Variants in PDZRN4 observed in about 807,000 individuals in gnomAD.
PDZRN4 encodes PDZ domain containing ring finger 4.
In PDZRN4, 70 loss-of-function variants were observed where a neutral mutation model predicts 99.0. The ratio of observed to expected loss-of-function variants is 0.71; its 90% confidence interval spans 0.58 to 0.86. PDZRN4 has a LOEUF of 0.86. PDZRN4 is among the 40% of genes least tolerant of loss of function. The pLI, the probability that PDZRN4 is intolerant of heterozygous loss-of-function variation, is 0.00. For synonymous variants in PDZRN4, 551 were observed against 501.6 expected, an observed-to-expected ratio of 1.10 and a Z score of -1.32; for missense variants, 1,474 against 1,331.2, an observed-to-expected ratio of 1.11 and a Z score of -1.67.
intron 3 of PDZRN4, among the ~76,000 whole-genome samples, chr12:41,483,397 T>A (rs1158322485): frequency 1.3e-5 from 2 of 152,142 alleles, no homozygotes; most frequent in Non-Finnish European, 2.9e-5. Flanking sequence ...GCCACAGGGC[T>A]TGAACAGGAT....
intron 5 of PDZRN4, among the ~76,000 whole-genome samples, chr12:41,524,855 T>A (rs1429692129): frequency 2.6e-5 from 4 of 152,138 alleles, no homozygotes; most frequent in Non-Finnish European, 5.9e-5. Flanking sequence ...ATTGTGTTAA[T>A]TCAGGTGAGA....
At chr12:41,229,122 T>C (rs1198156233) in intron 3 of PDZRN4, among the ~76,000 whole-genome samples, 1 of 151,530 alleles carries the variant, frequency 6.6e-6, no homozygotes, top group Non-Finnish European at 1.5e-5. Context: ...CATCATTTCA[T>C]CTAATGTTTA....
chr12:41,552,224 T>A (rs1939069971), intron 5 of PDZRN4, among the ~76,000 whole-genome samples: 1 of 152,186 alleles, frequency 6.6e-6, no homozygotes, highest in Non-Finnish European at 1.5e-5. Flanking sequence ...TTTTTTATTA[T>A]TTGAAGTTAT....
chr12:41,392,146 G>C (rs1470580267), intron 3 of PDZRN4, among the ~76,000 whole-genome samples: 1 of 151,986 alleles, frequency 6.6e-6, no homozygotes, highest in Non-Finnish European at 1.5e-5. Context: ...TGTCCTAAAG[G>C]CTTTGCTGTG....
intron 3 of PDZRN4, among the ~76,000 whole-genome samples, chr12:41,455,803 G>A (rs2255152): frequency 0.52 from 78,585 of 151,942 alleles, 20,866 homozygotes; most frequent in African/African-American, 0.65. Context: ...CACCATTCAA[G>A]ATTAAACCCA....
intron 3 of PDZRN4, among the ~76,000 whole-genome samples, chr12:41,403,084 G>A (rs1276239523): frequency 6.6e-6 from 1 of 152,026 alleles, no homozygotes; most frequent in Non-Finnish European, 1.5e-5. Flanking sequence ...CAGAATTAAT[G>A]GAGTGTCTTC....
intron 8 of PDZRN4, among the ~76,000 whole-genome samples, chr12:41,566,468 A>G (rs894772092): frequency 3.3e-5 from 5 of 152,200 alleles, no homozygotes; most frequent in African/African-American, 7.2e-5. Flanking sequence ...CATAATTTTC[A>G]TAGCTCATCT....
At chr12:41,207,356 A>C (rs1195925361) in intron 3 of PDZRN4, among the ~76,000 whole-genome samples, 2 of 151,844 alleles carry the variant, frequency 1.3e-5, no homozygotes, top group East Asian at 1.9e-4. Flanking sequence ...AGTTGAAAAA[A>C]TTGGGTGGCT....
At chr12:41,435,954 AG>A (rs2120452623) in intron 3 of PDZRN4, among the ~76,000 whole-genome samples, 1 of 152,348 alleles carries the variant, frequency 6.6e-6, no homozygotes, top group South Asian at 2.1e-4. Flanking sequence ...ATAGAGGCTT[AG>A]AGAAGTTAAA....
At chr12:41,500,134 G>T (rs1487747730) in intron 3 of PDZRN4, among the ~76,000 whole-genome samples, 1 of 151,924 alleles carries the variant, frequency 6.6e-6, no homozygotes, top group African/African-American at 2.4e-5. Context: ...TCAACAGAGG[G>T]ATCCCACCCT....
At chr12:41,404,355 C>T (rs529090500) in intron 3 of PDZRN4, among the ~76,000 whole-genome samples, 1 of 151,972 alleles carries the variant, frequency 6.6e-6, no homozygotes, top group Non-Finnish European at 1.5e-5. Flanking sequence ...GAGAGTTATA[C>T]ATCAATAACG....
chr12:41,423,434 T>C (rs1334691525), intron 3 of PDZRN4, among the ~76,000 whole-genome samples: 3 of 152,144 alleles, frequency 2.0e-5, no homozygotes, highest in Non-Finnish European at 4.4e-5. Context: ...CTGAGAATGA[T>C]GGTTTCCAGC....
At chr12:41,276,386 G>C (rs1387838269) in intron 3 of PDZRN4, among the ~76,000 whole-genome samples, 2 of 152,000 alleles carry the variant, frequency 1.3e-5, no homozygotes, top group African/African-American at 4.8e-5. Context: ...AGTTATTGTA[G>C]CAGTTTAACG....
chr12:41,228,752 G>T (rs1037902389), intron 3 of PDZRN4, among the ~76,000 whole-genome samples: 3 of 152,010 alleles, frequency 2.0e-5, no homozygotes, highest in African/African-American at 7.2e-5. Flanking sequence ...CCTTTAAGTA[G>T]CTCAAGGAAA....
At chr12:41,509,943 T>A in intron 5 of PDZRN4, 30 bp downstream of exon 5, 1 of 1,060,202 alleles carries the variant, frequency 9.4e-7, no homozygotes, top group Non-Finnish European at 1.4e-6. Context: ...ACTTCACATT[T>A]CTTCATGAAG....
intron 3 of PDZRN4, among the ~76,000 whole-genome samples, chr12:41,405,301 C>G (rs1952337981): frequency 6.6e-6 from 1 of 152,114 alleles, no homozygotes; most frequent in Admixed American, 6.5e-5. Context: ...TGAACAGACA[C>G]TTCTCAAAAG....
At chr12:41,548,353 G>A (rs529822609) in intron 5 of PDZRN4, among the ~76,000 whole-genome samples, 1 of 152,226 alleles carries the variant, frequency 6.6e-6, no homozygotes, top group Non-Finnish European at 1.5e-5. Context: ...TGAAATAAGT[G>A]TTTTATTGGA....
At chr12:41,532,260 A>G (rs1229251567) in intron 5 of PDZRN4, among the ~76,000 whole-genome samples, 2 of 152,178 alleles carry the variant, frequency 1.3e-5, no homozygotes, top group Admixed American at 6.5e-5. Flanking sequence ...TGGTCTCTCC[A>G]ATCTGTCCCA....
intron 9 of PDZRN4, among the ~76,000 whole-genome samples, chr12:41,571,207 T>C (rs1272181261): frequency 1.3e-5 from 2 of 152,124 alleles, no homozygotes; most frequent in African/African-American, 4.8e-5. Flanking sequence ...AACTGCCTTA[T>C]AGATTATCAT....
Sources: gnomAD v4.1 joint callset for allele counts (sites outside exome capture counted in the v4.1 genomes callset) on GRCh38, gnomAD v4.1.1 for gene constraint, MANE v1.5 for transcripts, NCBI Gene and HGNC (gene_info 2026-07-23, HGNC 2026-07-21) for gene names.